Variants in GPR141 observed in about 807,000 individuals in gnomAD.
GPR141 encodes the protein G protein-coupled receptor 141.
GPR141 carries 6 observed loss-of-function variants against 6.8 expected under a neutral mutation model. That is an observed-to-expected ratio of 0.88 (90% CI 0.48 to 1.74). The LOEUF is 1.74. GPR141 is among the 40% of genes most tolerant of loss of function. The pLI, the probability that GPR141 is intolerant of heterozygous loss-of-function variation, is 0.01. For synonymous variants in GPR141, 140 were observed against 142.3 expected (o/e 0.98, Z 0.11); for missense variants, 372 against 372.9 (o/e 1.00, Z 0.02).
rs529306476 is a variant in GPR141 at position 37,703,188 on chromosome 7, T to C, written c.-15+17605T>C. 2.0e-5 allele frequency among the ~76,000 whole-genome samples: 3 copies of C among 152,306 alleles called. No individual in the cohort carries two copies. In the East Asian group the frequency reaches 5.8e-4, roughly 29 times the overall value. On this transcript the variant is annotated intron_variant, in intron 2 of 2. Coordinates refer to ENST00000334425, the MANE Select transcript of GPR141 (RefSeq NM_001381946.1). The stretch of plus-strand genomic sequence containing the variant: ...TTATTTTCACTCATTTTTTTAAAGA[T>C]AGTAGTCGACTGTCTTCCTGCTTCC...
At chr7:37,724,666 T>G (rs946608004) in intron 2 of GPR141, among the ~76,000 whole-genome samples, 6 of 152,214 alleles carry the variant, frequency 3.9e-5, no homozygotes, top group African/African-American at 1.4e-4. Flanking sequence ...TGTTCCTATT[T>G]GTTTTCTGCA....
At chr7:37,732,037 T>TTTTATTTATTTA (rs59467979) in intron 2 of GPR141, among the ~76,000 whole-genome samples, 1 of 146,094 alleles carries the variant, frequency 6.8e-6, no homozygotes, top group African/African-American at 2.5e-5. Flanking sequence ...TTTTTTTTAT[T>TTTTATTTATTTA]TTTATTTATT....
At chr7:37,717,302 G>A (rs540495866) in intron 2 of GPR141, among the ~76,000 whole-genome samples, 7 of 152,304 alleles carry the variant, frequency 4.6e-5, no homozygotes, top group African/African-American at 1.7e-4. Context: ...TTTAAAGTAG[G>A]TGGCCTAAAA....
At chr7:37,696,343 C>T (rs181243117) in intron 2 of GPR141, among the ~76,000 whole-genome samples, 26 of 152,214 alleles carry the variant, frequency 1.7e-4, no homozygotes, top group Admixed American at 9.8e-4. Flanking sequence ...TTTCAACTTA[C>T]GATGAGTTTT....
chr7:37,727,946 C>T (rs910286933), intron 2 of GPR141, among the ~76,000 whole-genome samples: 8 of 152,164 alleles, frequency 5.3e-5, no homozygotes, highest in African/African-American at 1.7e-4. Flanking sequence ...AGATTCTCAC[C>T]CACGTTCTCC....
intron 2 of GPR141, among the ~76,000 whole-genome samples, chr7:37,702,666 G>A (rs1199776463): frequency 6.6e-6 from 1 of 150,954 alleles, no homozygotes; most frequent in African/African-American, 2.4e-5. Context: ...CAGCACACCA[G>A]CATGGCACAT....
chr7:37,726,570 C>T (rs1275767842), intron 2 of GPR141, among the ~76,000 whole-genome samples: 6 of 152,168 alleles, frequency 3.9e-5, no homozygotes, highest in Non-Finnish European at 8.8e-5. Flanking sequence ...ATAACCTTCA[C>T]CCAGATTCCC....
At chr7:37,712,289 A>G (rs1318949932) in intron 2 of GPR141, among the ~76,000 whole-genome samples, 1 of 152,146 alleles carries the variant, frequency 6.6e-6, no homozygotes, top group Non-Finnish European at 1.5e-5. Context: ...AACAGTGACT[A>G]TTCACCTCCA....
At chr7:37,736,177 G>A (rs1010447334) in intron 2 of GPR141, among the ~76,000 whole-genome samples, 3 of 151,950 alleles carry the variant, frequency 2.0e-5, no homozygotes, top group African/African-American at 7.3e-5. Context: ...GCTTGAACCT[G>A]GGAGGCAGAG....
chr7:37,742,432 T>G lies in GPR141; in HGVS notation c.*1121T>G, dbSNP rs1397259858. ...CTGGACAGGCCCCATTGTGTGATGTTCCCCTCCCTGTGTCCATGTGTTTTC... is the reference window on the plus strand; with the variant it reads ...CTGGACAGGCCCCATTGTGTGATGTGCCCCTCCCTGTGTCCATGTGTTTTC... On this transcript the variant is annotated 3_prime_UTR_variant, in exon 3 of 3. Coordinates refer to ENST00000334425, the MANE Select transcript of GPR141 (RefSeq NM_001381946.1). Among the ~76,000 whole-genome samples the G allele has an allele frequency of 2.0e-5, 3 of 151,802 alleles. No homozygotes were observed. Among genetic ancestry groups the G allele is most frequent in the Admixed American group, 6.6e-5 (1 of 15,218 alleles).
At position 37,740,402 on chromosome 7, in the gene GPR141, C is replaced by CTGTGG; in HGVS notation, c.9_10insTGTGG (p.His4CysfsTer14). ...CAGGTGACTTCCCAAGTATGCCTGGCCACAATACCTCCAGGAATTCCTCTT... is the reference window on the plus strand; with the variant it reads ...CAGGTGACTTCCCAAGTATGCCTGGCTGTGGCACAATACCTCCAGGAATTCCTCTT... On this transcript the variant is annotated frameshift_variant, in exon 3 of 3. Transcript: ENST00000334425. LOFTEE classifies it low-confidence loss of function (END_TRUNC). 1 of 1,594,758 alleles carries CTGTGG rather than the reference C, an allele frequency of 6.3e-7. No homozygotes were observed. The highest frequency in any genetic ancestry group is 8.6e-7 in the Non-Finnish European group (1 of 1,167,464).
chr7:37,730,147 T>G (rs771995069), intron 2 of GPR141: 1 of 152,260 alleles, frequency 6.6e-6, no homozygotes. Context: ...CTTATTCCTT[T>G]TCTTTGTTTC....
rs900381197 is a variant in GPR141, at chr7:37,742,979, G to C, written c.*1668G>C. ...AACTGATTTTATTTCAAGAACTTCT[G>C]TTACTGGCTAGGTTGATACATAGGC... On this transcript the variant is annotated 3_prime_UTR_variant, in exon 3 of 3. Transcript: ENST00000334425. Among the ~76,000 whole-genome samples the C allele has an allele frequency of 2.0e-5, 3 of 152,038 alleles. No homozygotes were observed. Among genetic ancestry groups the C allele is most frequent in the Non-Finnish European group, 4.4e-5 (3 of 67,996 alleles).
chr7:37,696,828 T>G (rs1175230647), intron 2 of GPR141, among the ~76,000 whole-genome samples: 1 of 152,108 alleles, frequency 6.6e-6, no homozygotes, highest in African/African-American at 2.4e-5. Flanking sequence ...ATGCCTACTC[T>G]CTCTCTCCTC....
intron 2 of GPR141, among the ~76,000 whole-genome samples, chr7:37,686,856 GGA>G (rs1182492258): frequency 2.0e-5 from 3 of 152,084 alleles, no homozygotes; most frequent in African/African-American, 7.2e-5. Context: ...AATTAACATA[GGA>G]GAGAGAAATA....
At chr7:37,689,075 C>T (rs1333766293) in intron 2 of GPR141, among the ~76,000 whole-genome samples, 1 of 152,154 alleles carries the variant, frequency 6.6e-6, no homozygotes. Context: ...CTTTCCTTCT[C>T]TCAGGCCCCT....
At chr7:37,693,070 C>G (rs924121200) in intron 2 of GPR141, among the ~76,000 whole-genome samples, 2 of 152,030 alleles carry the variant, frequency 1.3e-5, no homozygotes, top group Admixed American at 1.3e-4. Context: ...AGTCATGAAG[C>G]CTTTGCCCAT....
chr7:37,703,834 A>G (rs967251999), intron 2 of GPR141, among the ~76,000 whole-genome samples: 9 of 152,082 alleles, frequency 5.9e-5, no homozygotes, highest in African/African-American at 1.9e-4. Flanking sequence ...TATATGGTTC[A>G]CCAATTTTTA....
Position 37,686,961 on chromosome 7 carries a change from G to A in GPR141, c.-15+1378G>A, listed in dbSNP as rs139232206. ...GAAAAGCATTGCCATCAGCATCTGA[G>A]CCCCTCGTGTCCTGAGACTGGGTAG... On this transcript the variant is annotated intron_variant, in intron 2 of 2. Transcript: ENST00000334425. Among the ~76,000 whole-genome samples, 709 of 152,230 alleles carry A rather than the reference G, an allele frequency of 4.7e-3. 14 individuals are homozygous for A. The highest frequency in any genetic ancestry group is 0.016 in the African/African-American group (677 of 41,496).
Sources: allele counts gnomAD v4.1 joint callset (sites outside exome capture counted in the v4.1 genomes callset), GRCh38; gene constraint gnomAD v4.1.1; transcripts MANE v1.5; gene names NCBI Gene and HGNC (gene_info 2026-07-23, HGNC 2026-07-21).